The following PTPRM variants were observed in gnomAD, a reference collection of about 807,000 sequenced individuals.
PTPRM encodes protein tyrosine phosphatase receptor type M.
Under a neutral mutation model 186.7 loss-of-function variants are expected in PTPRM, and 47 were observed. That is an observed-to-expected ratio of 0.25 (90% CI 0.20 to 0.32). The LOEUF (loss-of-function observed/expected upper bound fraction) is 0.32. Ranked by LOEUF, PTPRM falls within the 10% of genes least tolerant of loss-of-function variation. The pLI, the probability that PTPRM is intolerant of heterozygous loss-of-function variation, is 1.00. For missense variants in PTPRM, 1,494 were observed against 1,865.0 expected, an observed-to-expected ratio of 0.80 and a Z score of 3.66; for synonymous variants, 668 against 674.9, an observed-to-expected ratio of 0.99 and a Z score of 0.16.
intron 7 of PTPRM, among the ~76,000 whole-genome samples, chr18:7,957,339 A>G (rs935485406): frequency 2.0e-5 from 3 of 152,194 alleles, no homozygotes; most frequent in African/African-American, 7.2e-5. Flanking sequence ...ATAATGCTCA[A>G]AGAGACAAAT....
At chr18:7,928,183 C>T (rs1362811720) in intron 5 of PTPRM, among the ~76,000 whole-genome samples, 2 of 152,264 alleles carry the variant, frequency 1.3e-5, no homozygotes, top group Non-Finnish European at 1.5e-5. Flanking sequence ...GGATGTTCCA[C>T]CCCTCTGCCC....
At chr18:7,787,433 G>T (rs1350986394) in intron 2 of PTPRM, among the ~76,000 whole-genome samples, 1 of 152,202 alleles carries the variant, frequency 6.6e-6, no homozygotes, top group Non-Finnish European at 1.5e-5. Context: ...ATTTGACTTA[G>T]ATGTTACTGC....
chr18:8,083,373 C>T (rs1301279262), intron 9 of PTPRM, among the ~76,000 whole-genome samples: 1 of 152,106 alleles, frequency 6.6e-6, no homozygotes, highest in Admixed American at 6.6e-5. Context: ...ATACTGTGCC[C>T]ACTCACTCCC....
At chr18:7,882,482 A>T (rs911550812) in intron 2 of PTPRM, among the ~76,000 whole-genome samples, 6 of 152,212 alleles carry the variant, frequency 3.9e-5, no homozygotes, top group African/African-American at 1.4e-4. Flanking sequence ...GAACTTGTTA[A>T]CATTTTGTTT....
At position 7,760,818 on chromosome 18, in the gene PTPRM, T is replaced by G. The variant is rs531090886; in HGVS notation, c.74-13331T>G. On this transcript the variant is annotated intron_variant, in intron 1 of 32. Transcript: ENST00000580170. The stretch of plus-strand genomic sequence containing the variant: ...GAGGAAAGCTTGTAAGTTGATAGGG[T>G]TGGACTCACCTATGCTCCTTCTGGT... Among the ~76,000 whole-genome samples the G allele has an allele frequency of 8.8e-4, 134 of 152,300 alleles. 1 individual carries two copies. Among genetic ancestry groups the G allele is most frequent in the African/African-American group, 3.1e-3 (130 of 41,572 alleles).
intron 1 of PTPRM, among the ~76,000 whole-genome samples, chr18:7,581,899 A>G (rs2036855956): frequency 6.6e-6 from 1 of 152,116 alleles, no homozygotes; most frequent in African/African-American, 2.4e-5. Flanking sequence ...GCCTCAAGCC[A>G]TCCTCCTGCC....
intron 11 of PTPRM, among the ~76,000 whole-genome samples, chr18:8,096,517 A>G (rs959593386): frequency 4.6e-5 from 7 of 152,266 alleles, no homozygotes; most frequent in South Asian, 2.1e-4. Context: ...AGAAAGTTAC[A>G]TGCTGTTTCT....
In PTPRM at chr18:7,567,753, G is replaced by A; in HGVS notation, c.-66G>A. 7.1e-7 allele frequency: 1 copy of A among 1,408,514 alleles called. No individual in the cohort carries two copies. Among genetic ancestry groups the A allele is most frequent in the Non-Finnish European group, 9.4e-7 (1 of 1,059,528 alleles). 87.3% of individuals were successfully genotyped at this position (1,408,514 alleles called of 1,614,324 possible). A position where few individuals can be genotyped will look rare whatever the true frequency, so the allele number is the denominator to read the frequency against. On this transcript the variant is annotated 5_prime_UTR_variant, in exon 1 of 33. Coordinates refer to ENST00000580170, the MANE Select transcript of PTPRM (RefSeq NM_001105244.2). The surrounding 1 kb of genome is among the most constrained non-coding windows in gnomAD (Gnocchi z 4.3). ...TCGCTGCCTCGGAACCAAAGCTCCC[G>A]GCCCCCTCCGCCCTCGCGCGCCCAC...
At chr18:7,854,712 A>T (rs564682707) in intron 2 of PTPRM, among the ~76,000 whole-genome samples, 1 of 148,208 alleles carries the variant, frequency 6.7e-6, no homozygotes, top group African/African-American at 2.5e-5. Context: ...TTACTTTTTA[A>T]ACTTTTGAAA....
At chr18:7,743,020 G>A (rs921177686) in intron 1 of PTPRM, among the ~76,000 whole-genome samples, 2 of 152,130 alleles carry the variant, frequency 1.3e-5, no homozygotes, top group Non-Finnish European at 2.9e-5. Context: ...CCTGTCTGAC[G>A]GATGAGAAAG....
Position 8,314,792 on chromosome 18 carries a change from C to T in PTPRM, c.2854C>T (p.Arg952Ter), listed in dbSNP as rs2095296293. The T allele has an allele frequency of 1.2e-6, 2 of 1,611,514 alleles. No homozygotes were observed. The highest frequency in any genetic ancestry group is 1.7e-6 in the Non-Finnish European group (2 of 1,178,400). ...YGNIIAYDHS[R>*]VRLQTIEGDT... is the part of the protein sequence containing the mutation. ...CTTTTCCTTTGCAGACGATCATTCC[C>T]GAGTGAGGCTGCAGACAATAGAAGG... The change falls in exon 21 of 33, where the codon CGA (arginine) becomes TGA (stop). Residue 952 changes from arginine to a stop codon, truncating the protein, a stop_gained. Transcript: ENST00000580170. LOFTEE classifies it high-confidence loss of function.
chr18:7,665,051 G>C (rs932215415), intron 1 of PTPRM, among the ~76,000 whole-genome samples: 2 of 152,166 alleles, frequency 1.3e-5, no homozygotes, highest in African/African-American at 2.4e-5. Context: ...GTCTGGGTTG[G>C]AGGTGAAAAT....
At position 7,828,100 on chromosome 18, in the gene PTPRM, TTAA is replaced by T. The variant is rs751077057; in HGVS notation, c.196+53831_196+53833del. On this transcript the variant is annotated intron_variant, in intron 2 of 32. Transcript: ENST00000580170. ...GGTGTATAAATATGTGCAAGTGTGT[TTAA>T]TGTTTATATGTGGTCCTATCTCATA... Among the ~76,000 whole-genome samples, 347 of 152,292 alleles carry T rather than the reference TTAA, an allele frequency of 2.3e-3. 1 individual carries two copies. Among genetic ancestry groups the T allele is most frequent in the African/African-American group, 8.0e-3 (332 of 41,566 alleles).
chr18:7,827,476 C>T (rs1463409371), intron 2 of PTPRM, among the ~76,000 whole-genome samples: 2 of 152,184 alleles, frequency 1.3e-5, no homozygotes, highest in African/African-American at 2.4e-5. Flanking sequence ...AAGACTCTCC[C>T]ATTCTCTTGA....
At chr18:8,152,018 A>G (rs1318448474) in intron 14 of PTPRM, among the ~76,000 whole-genome samples, 6 of 151,926 alleles carry the variant, frequency 3.9e-5, no homozygotes, top group African/African-American at 1.2e-4. Context: ...TTGATGAACC[A>G]TATACCTCAG....
intron 9 of PTPRM, 80 bp from the exon 10 acceptor site, chr18:8,085,591 A>C: frequency 8.1e-7 from 1 of 1,235,002 alleles, no homozygotes; most frequent in East Asian, 2.3e-5. Flanking sequence ...CAGTGCATAC[A>C]TCAGAAGGGT....
At chr18:8,259,815 T>A (rs184718899) in intron 19 of PTPRM, among the ~76,000 whole-genome samples, 2 of 151,766 alleles carry the variant, frequency 1.3e-5, no homozygotes, top group Non-Finnish European at 2.9e-5. Flanking sequence ...TCCTGGCTCA[T>A]GTTGTATTTT....
At chr18:7,890,075 T>G (rs1351949598) in intron 3 of PTPRM, among the ~76,000 whole-genome samples, 3 of 152,206 alleles carry the variant, frequency 2.0e-5, no homozygotes, top group Non-Finnish European at 4.4e-5. Flanking sequence ...ACAATGGGCA[T>G]TTGGAGAGCT....
chr18:7,751,965 T>C (rs1248755588), intron 1 of PTPRM, among the ~76,000 whole-genome samples: 1 of 152,228 alleles, frequency 6.6e-6, no homozygotes, highest in Non-Finnish European at 1.5e-5. Context: ...TGACGGGACA[T>C]AGGGAGACCT....
Sources: allele counts gnomAD v4.1 joint callset (sites outside exome capture counted in the v4.1 genomes callset), GRCh38; gene constraint gnomAD v4.1.1; non-coding constraint Gnocchi (gnomAD v3.1); transcripts MANE v1.5; gene names NCBI Gene and HGNC (gene_info 2026-07-23, HGNC 2026-07-21).